POLR1D: variants seen among roughly 807,000 people sequenced by gnomAD.
The protein encoded by POLR1D is DNA-directed RNA polymerases I and III subunit RPAC2.
In POLR1D, 8 loss-of-function variants were observed where a neutral mutation model predicts 10.8. That is an observed-to-expected ratio of 0.74 (90% CI 0.43 to 1.33). The LOEUF is 1.33. Among genes scored for constraint, POLR1D ranks in the 40% most tolerant of loss-of-function variants. POLR1D has a pLI of 0.01. For synonymous variants in POLR1D, 54 were observed against 57.2 expected, an observed-to-expected ratio of 0.94 and a Z score of 0.25; for missense variants, 152 against 161.7, an observed-to-expected ratio of 0.94 and a Z score of 0.32.
At chr13:27,627,158 C>A (rs139927285), downstream of POLR1D, among the ~76,000 whole-genome samples, 126 of 152,246 alleles carry the variant, frequency 8.3e-4, no homozygotes, top group African/African-American at 2.8e-3. Context: ...CCAAATCTAC[C>A]CATCTGCTTT....
chr13:27,633,972 T>C (rs1243285265), intron 1 of POLR1D, among the ~76,000 whole-genome samples: 1 of 152,254 alleles, frequency 6.6e-6, no homozygotes, highest in East Asian at 1.9e-4. Context: ...GAGAGTACCA[T>C]CATCATATTC....
chr13:27,631,835 A>G (rs971981382), intron 1 of POLR1D, among the ~76,000 whole-genome samples: 2 of 152,198 alleles, frequency 1.3e-5, no homozygotes, highest in South Asian at 4.1e-4. Flanking sequence ...GAGTACCACA[A>G]CAGGAAGAAG....
At chr13:27,648,658 T>C (rs1956241771) in intron 2 of POLR1D, among the ~76,000 whole-genome samples, 1 of 152,202 alleles carries the variant, frequency 6.6e-6, no homozygotes, top group Non-Finnish European at 1.5e-5. Context: ...CAGGCGCCTA[T>C]GGAGGATACG....
chr13:27,664,697 A>G (rs537169083), intron 2 of POLR1D: 1 of 152,366 alleles, frequency 6.6e-6, no homozygotes, highest in African/African-American at 2.4e-5. Context: ...ACTAGTCCAC[A>G]CAATTCCTAT....
intron 1 of POLR1D, among the ~76,000 whole-genome samples, chr13:27,635,739 T>C (rs1428770309): frequency 1.3e-5 from 2 of 148,344 alleles, no homozygotes; most frequent in Admixed American, 6.8e-5. Context: ...TACACACATA[T>C]ATATATATAA....
Position 27,647,848 on chromosome 13 carries a change from T to A in POLR1D, c.27-531T>A, listed in dbSNP as rs570745776. Among the ~76,000 whole-genome samples the A allele has an allele frequency of 5.9e-4, 90 of 152,296 alleles. 3 individuals are homozygous for A. The South Asian group carries it at 0.016, about 27-fold the overall frequency. ...TAGGACAAAGTAAAAAATTTTTAGA[T>A]CAACTGGTATATACTATTCTTAAGG... On this transcript the variant is annotated intron_variant, in intron 1 of 2. Transcript: ENST00000399697.
chr13:27,621,728 C>A (rs569344015), upstream of POLR1D: 8 of 307,996 alleles, frequency 2.6e-5, no homozygotes, highest in Admixed American at 5.1e-5. Flanking sequence ...CGAGTGGCCT[C>A]GCGTGGTCGC....
At chr13:27,652,223 C>T (rs1486360455) in intron 2 of POLR1D, among the ~76,000 whole-genome samples, 1 of 152,192 alleles carries the variant, frequency 6.6e-6, no homozygotes, top group African/African-American at 2.4e-5. Context: ...TTGTTTCTTG[C>T]CAGCTCTCCA....
downstream of POLR1D, among the ~76,000 whole-genome samples, chr13:27,624,949 T>C (rs531845479): frequency 3.3e-5 from 5 of 152,118 alleles, no homozygotes; most frequent in South Asian, 1.0e-3. Context: ...AGGGTCAAGA[T>C]AGAAAACATA....
At chr13:27,654,508 T>C (rs1956292620) in intron 2 of POLR1D, among the ~76,000 whole-genome samples, 1 of 152,228 alleles carries the variant, frequency 6.6e-6, no homozygotes, top group South Asian at 2.1e-4. Context: ...ATCTGGAAGC[T>C]CCAGTTATAT....
At position 27,623,043 on chromosome 13, in the gene POLR1D, G is replaced by T; in HGVS notation, c.195G>T (p.Val65=). The change falls in exon 2 of 2, where the codon GTG becomes GTT. Residue 65 remains valine, a synonymous_variant. Transcript: ENST00000302979. ...ACATGATCATGAAGAACCCGGAAGT[G>T]GAATTTTGTGGTTACACTACGACCC... is the stretch of plus-strand genomic sequence containing the variant. ...LRYMIMKNPE[V]EFCGYTTTHP... 6.2e-7 allele frequency: 1 copy of T among 1,614,026 alleles called. No homozygotes were observed. Among genetic ancestry groups the T allele is most frequent in the Non-Finnish European group, 8.5e-7 (1 of 1,179,950 alleles).
intron 1 of POLR1D, among the ~76,000 whole-genome samples, chr13:27,632,641 A>ACCCCCCCCCCCCCCCCC (rs11378549): frequency 2.8e-5 from 4 of 145,264 alleles, no homozygotes; most frequent in East Asian, 2.0e-4. Flanking sequence ...AAATTGCAGC[A>ACCCCCCCCCCCCCCCCC]CCCCCCGCCC....
At chr13:27,661,594 G>C (rs1049525705) in intron 2 of POLR1D, among the ~76,000 whole-genome samples, 1 of 152,172 alleles carries the variant, frequency 6.6e-6, no homozygotes, top group African/African-American at 2.4e-5. Flanking sequence ...TCAGGGCTCA[G>C]ATGGTTACCC....
At chr13:27,639,365 C>T (rs1432653040) in intron 1 of POLR1D, among the ~76,000 whole-genome samples, 2 of 152,138 alleles carry the variant, frequency 1.3e-5, no homozygotes, top group African/African-American at 2.4e-5. Flanking sequence ...AACAGATCTG[C>T]TCTTCCTGTT....
At chr13:27,652,680 G>A (rs1349127171) in intron 2 of POLR1D, among the ~76,000 whole-genome samples, 1 of 151,864 alleles carries the variant, frequency 6.6e-6, no homozygotes, top group African/African-American at 2.4e-5. Flanking sequence ...GACCAGCCTC[G>A]CCAACATGGT....
At chr13:27,645,692 C>T (rs900700534) in intron 1 of POLR1D, among the ~76,000 whole-genome samples, 1 of 152,150 alleles carries the variant, frequency 6.6e-6, no homozygotes, top group Non-Finnish European at 1.5e-5. Context: ...AGTGGGAACA[C>T]GGTAGACAAG....
At chr13:27,645,026 T>C (rs1956206035) in intron 1 of POLR1D, among the ~76,000 whole-genome samples, 2 of 152,282 alleles carry the variant, frequency 1.3e-5, no homozygotes, top group East Asian at 1.9e-4. Context: ...TTGAAGGTAG[T>C]TATAGTGTTT....
At position 27,629,359 on chromosome 13, in the gene POLR1D, T is replaced by C. The variant is rs934779775; in HGVS notation, c.26+7350T>C. Among the ~76,000 whole-genome samples, 3 of 152,200 alleles carry C rather than the reference T, an allele frequency of 2.0e-5. No individual in the cohort carries two copies. The South Asian group carries it at 6.2e-4, about 32-fold the overall frequency. ...GCAAATTGGGATAACAATAATACCA[T>C]ATAGGGATGTTACAAGTGTTAATTT... On this transcript the variant is annotated intron_variant, in intron 1 of 2. Coordinates refer to the POLR1D transcript ENST00000399697.
chr13:27,649,780 G>A (rs752421413), intron 2 of POLR1D, among the ~76,000 whole-genome samples: 4 of 152,126 alleles, frequency 2.6e-5, no homozygotes, highest in Non-Finnish European at 5.9e-5. Flanking sequence ...TGAGCACCCC[G>A]GTGCCAAAAC....
Sources: allele counts gnomAD v4.1 joint callset (sites outside exome capture counted in the v4.1 genomes callset), GRCh38; gene constraint gnomAD v4.1.1; transcripts MANE v1.5; gene names NCBI Gene and HGNC (gene_info 2026-07-23, HGNC 2026-07-21).